TRRAP: variants seen among roughly 807,000 people sequenced by gnomAD.
TRRAP encodes transformation/transcription domain associated protein.
Under a neutral mutation model 438.8 loss-of-function variants are expected in TRRAP, and 41 were observed. The ratio of observed to expected loss-of-function variants is 0.09; its 90% CI spans 0.07 to 0.12. The LOEUF (loss-of-function observed/expected upper bound fraction) is 0.12, where lower values mean the gene tolerates loss of function less well. Ranked by LOEUF, TRRAP falls within the 10% of genes least tolerant of loss-of-function variation. The probability of loss-of-function intolerance (pLI) is 1.00; values close to 1 mark genes in which losing one functional copy is unlikely to be tolerated. For missense variants in TRRAP, 3,122 were observed against 5,055.1 expected (o/e 0.62, Z 11.60); for synonymous variants, 1,994 against 1,962.9 (o/e 1.02, Z -0.42).
intron 69 of TRRAP, among the ~76,000 whole-genome samples, chr7:99,007,736 A>T (rs1402902469): frequency 1.6e-5 from 2 of 126,064 alleles, no homozygotes; most frequent in Admixed American, 7.8e-5. Context: ...GCAGCCTCCA[A>T]CTCCTGGGCT....
At chr7:98,981,508 A>T (rs776549084) in intron 58 of TRRAP, among the ~76,000 whole-genome samples, 1 of 152,232 alleles carries the variant, frequency 6.6e-6, no homozygotes, top group Non-Finnish European at 1.5e-5. Flanking sequence ...GGAACAACTG[A>T]TGACCTTAAA....
At chr7:98,888,851 T>C (rs561266258) in intron 3 of TRRAP, among the ~76,000 whole-genome samples, 1 of 152,302 alleles carries the variant, frequency 6.6e-6, no homozygotes, top group African/African-American at 2.4e-5. Context: ...TTGTTTGATA[T>C]CTGTCTTCCT....
chr7:99,012,064 C>CA lies in TRRAP; in HGVS notation c.11338-6dup. The CA allele has an allele frequency of 6.2e-7, 1 of 1,612,406 alleles. No homozygotes were observed. The highest frequency in any genetic ancestry group is 1.1e-5 in the South Asian group (1 of 90,988). On this transcript the variant is annotated splice_region_variant and splice_polypyrimidine_tract_variant and intron_variant, in intron 72 of 72. Transcript: ENST00000456197. The surrounding 1 kb of genome is among the most constrained non-coding windows in gnomAD (Gnocchi z 5.9). ...ACACAAGTCGTCTCGTTCTCTCCCT[C>CA]ACGCAGGTGGATGGCATTCTGAAAA... is the stretch of plus-strand genomic sequence containing the variant.
intron 6 of TRRAP, among the ~76,000 whole-genome samples, chr7:98,894,783 G>GTTTTTTTTTTTTT (rs56407045): frequency 1.1e-3 from 96 of 87,438 alleles, no homozygotes; most frequent in African/African-American, 2.8e-3. Context: ...CCAGCTAATG[G>GTTTTTTTTTTTTT]TTTTTTTTTT....
Position 99,009,807 on chromosome 7 carries a change from C to T in TRRAP, c.10939-1245C>T, listed in dbSNP as rs529568372. The stretch of plus-strand genomic sequence containing the variant: ...TAGGCAGAGGGAGATGCCCACAGCA[C>T]AGAGGAATCCAGCTTCAGAGCCGCT... On this transcript the variant is annotated intron_variant, in intron 70 of 72. Coordinates refer to ENST00000456197, the MANE Select transcript of TRRAP (RefSeq NM_001375524.1). 1.3e-4 allele frequency among the ~76,000 whole-genome samples: 20 copies of T among 151,784 alleles called. No individual in the cohort carries two copies. The South Asian group carries it at 2.7e-3, about 21-fold the overall frequency.
At chr7:98,941,863 C>CT (rs1790812738) in intron 30 of TRRAP, among the ~76,000 whole-genome samples, 2 of 152,134 alleles carry the variant, frequency 1.3e-5, no homozygotes, top group Admixed American at 1.3e-4. Flanking sequence ...TTGACATGGA[C>CT]TGTAAGGACA....
rs782130727 is a variant in TRRAP at position 98,897,886 on chromosome 7, A to G, written c.633+20A>G. ...CGAACAGTAAGTGTTTCGCTGAGTTATTTCTACCCGTGGCTCCTGTAGTTT... is the reference window on the plus strand; with the variant it reads ...CGAACAGTAAGTGTTTCGCTGAGTTGTTTCTACCCGTGGCTCCTGTAGTTT... On this transcript the variant is annotated intron_variant, in intron 8 of 72. Transcript: ENST00000456197. The G allele has an allele frequency of 1.2e-6, 2 of 1,612,962 alleles. No individual in the cohort carries two copies. Among genetic ancestry groups the G allele is most frequent in the Non-Finnish European group, 8.5e-7 (1 of 1,179,318 alleles).
Position 98,983,415 on chromosome 7 carries a change from C to A in TRRAP, c.8978C>A (p.Ser2993Tyr). Residue 2993 changes from serine to tyrosine, a missense_variant, in exon 60 of 73, where the codon TCC (serine) becomes TAC (tyrosine). Around this residue, in one of 24 missense-constraint regions of TRRAP, gnomAD observed 129 missense variants for 279.2 expected, o/e 0.46. Coordinates refer to ENST00000456197, the MANE Select transcript of TRRAP (RefSeq NM_001375524.1). ...CTGCCCATCGTGTCTGACGACTTGT[C>A]CCACTGGAGCAGCATCTTCATGTGG... ...NRLPIVSDDL[S>Y]HWSSIFMWRQ... 6.2e-7 allele frequency: 1 copy of A among 1,614,166 alleles called. No homozygotes were observed. Among genetic ancestry groups the A allele is most frequent in the Non-Finnish European group, 8.5e-7 (1 of 1,180,030 alleles).
At chr7:98,880,421 G>A (rs11975718) in intron 1 of TRRAP, among the ~76,000 whole-genome samples, 1 of 151,786 alleles carries the variant, frequency 6.6e-6, no homozygotes, top group South Asian at 2.1e-4. Flanking sequence ...CCACTACCAC[G>A]CCTGGCTAAT....
intron 46 of TRRAP, 143 bp downstream of exon 46, chr7:98,961,617 CT>C: frequency 2.7e-6 from 3 of 1,098,220 alleles, no homozygotes; most frequent in Non-Finnish European, 3.9e-6. Context: ...CTTTTAAAAA[CT>C]GACATGGAAA....
intron 3 of TRRAP, among the ~76,000 whole-genome samples, chr7:98,886,099 A>G (rs923121718): frequency 2.0e-5 from 3 of 152,192 alleles, no homozygotes; most frequent in Non-Finnish European, 4.4e-5. Flanking sequence ...AACCTGGCCA[A>G]CATGGTGAAA....
Position 99,008,493 on chromosome 7 carries a change from A to G in TRRAP, c.10870A>G (p.Asn3624Asp). ...RCAKKGIEHD[N>D]PISRYYDRLA... ...CGCCAAGAAGGGCATCGAGCATGAC[A>G]ACCCCATCTCCCGTTACTATGACCG... The change falls in exon 70 of 73, where the codon AAC becomes GAC. Residue 3624 changes from asparagine to aspartate, a missense_variant. This residue lies in a region of TRRAP where 38 missense variants were observed against 32.1 expected (regional missense o/e 1.18). Transcript: ENST00000456197. 3 of 1,614,202 alleles carry G rather than the reference A, an allele frequency of 1.9e-6. No homozygotes were observed. Among genetic ancestry groups the G allele is most frequent in the Non-Finnish European group, 2.5e-6 (3 of 1,180,042 alleles).
chr7:98,898,860 C>T (rs1366529841), intron 8 of TRRAP, among the ~76,000 whole-genome samples: 1 of 152,202 alleles, frequency 6.6e-6, no homozygotes, highest in African/African-American at 2.4e-5. Context: ...ACATAGTTTC[C>T]TGAACTTTTT....
Position 98,930,095 on chromosome 7 carries a change from T to G in TRRAP, c.3282T>G (p.Asp1094Glu). 6.2e-7 allele frequency: 1 copy of G among 1,614,226 alleles called. No homozygotes were observed. The highest frequency in any genetic ancestry group is 8.5e-7 in the Non-Finnish European group (1 of 1,180,046). Residue 1094 changes from aspartate (D) to glutamate (E), a missense_variant, in exon 24 of 73, where the codon GAT becomes GAG. By Grantham distance (45) the Asp-to-Glu change is conservative (BLOSUM62 2). This residue lies in a region of TRRAP where 54 missense variants were observed against 74.6 expected (regional missense o/e 0.72). Transcript: ENST00000456197. ...GAATGGATCCTTTGGTTCTCATTGA[T>G]GCAATTGCTATTTGTATGGCATATG... ...SKGMDPLVLI[D>E]AIAICMAYEE... is the part of the protein sequence containing the mutation.
intron 12 of TRRAP, among the ~76,000 whole-genome samples, chr7:98,904,846 A>G (rs1386329148): frequency 6.6e-6 from 1 of 152,244 alleles, no homozygotes; most frequent in Non-Finnish European, 1.5e-5. Context: ...GTAGAGAATC[A>G]TGTTAAATGT....
chr7:99,002,761 A>G (rs1489904983), intron 67 of TRRAP, among the ~76,000 whole-genome samples: 1 of 152,206 alleles, frequency 6.6e-6, no homozygotes, highest in African/African-American at 2.4e-5. Context: ...ATTGGCTTTC[A>G]TGAAACCAAT....
Position 98,927,174 on chromosome 7 carries a change from G to A in TRRAP, c.2983G>A (p.Glu995Lys). 6.2e-7 allele frequency: 1 copy of A among 1,614,232 alleles called. No individual in the cohort carries two copies. The highest frequency in any genetic ancestry group is 8.5e-7 in the Non-Finnish European group (1 of 1,180,044). Residue 995 changes from glutamate (E) to lysine (K), a missense_variant, in exon 23 of 73, where the codon GAA becomes AAA. Coordinates refer to ENST00000456197, the MANE Select transcript of TRRAP (RefSeq NM_001375524.1). ...TCTGATTTTGCCTTTCAGCTTTACAGAAAAGACCATCCCCAATGTTATCAT... is the reference window on the plus strand; with the variant it reads ...TCTGATTTTGCCTTTCAGCTTTACAAAAAAGACCATCCCCAATGTTATCAT... ...YQLLAHPNFT[E>K]KTIPNVIISH...
In TRRAP at chr7:98,930,680, A is replaced by C. The variant is rs782221470; in HGVS notation, c.3441A>C (p.Ala1147=). Residue 1147 remains alanine (A), a synonymous_variant, in exon 25 of 73, where the codon GCA becomes GCC. Transcript: ENST00000456197. ...LFSYIVERLC[A]CCYEQAWYAK... is the part of the protein sequence containing the mutation. Reference sequence around the variant, plus strand: ...CTTACATCGTGGAGCGCCTGTGTGCATGTTGTTATGAACAGGCGTGGTATG... The same window carrying C: ...CTTACATCGTGGAGCGCCTGTGTGCCTGTTGTTATGAACAGGCGTGGTATG... 7 of 1,614,154 alleles carry C rather than the reference A, an allele frequency of 4.3e-6. No homozygotes were observed. Among genetic ancestry groups the C allele is most frequent in the East Asian group, 2.2e-5 (1 of 44,880 alleles).
chr7:98,899,589 T>C, intron 9 of TRRAP, 90 bp downstream of exon 9: 2 of 1,603,088 alleles, frequency 1.2e-6, no homozygotes, highest in Non-Finnish European at 1.7e-6. Context: ...AATACACACA[T>C]GCTAAATAAT....
Sources: gnomAD v4.1 joint callset for allele counts (sites outside exome capture counted in the v4.1 genomes callset) on GRCh38, gnomAD v4.1.1 for gene constraint, gnomAD v4.1.1 regional missense constraint, Gnocchi (gnomAD v3.1) non-coding constraint, MANE v1.5 for transcripts, NCBI Gene and HGNC (gene_info 2026-07-23, HGNC 2026-07-21) for gene names.